The following IRAK1BP1 variants were observed in gnomAD, a reference collection of about 807,000 sequenced individuals.
The protein encoded by IRAK1BP1 is interleukin-1 receptor-associated kinase 1-binding protein 1.
In IRAK1BP1, 24 loss-of-function variants were observed where a neutral mutation model predicts 28.0. The ratio of observed to expected loss-of-function variants is 0.86; its 90% CI spans 0.62 to 1.20. The LOEUF is 1.20. Among genes scored for constraint, IRAK1BP1 ranks in the 50% most tolerant of loss-of-function variants. The pLI, the probability that IRAK1BP1 is intolerant of heterozygous loss-of-function variation, is 0.00. For missense variants in IRAK1BP1, 336 were observed against 316.7 expected (o/e 1.06, Z -0.46); for synonymous variants, 131 against 116.3 (o/e 1.13, Z -0.81).
chr6:78,936,711 A>G (rs1773283304), intron 4 of IRAK1BP1: 1 of 151,876 alleles, frequency 6.6e-6, no homozygotes, highest in South Asian at 2.1e-4. Context: ...CAGTGTGTAC[A>G]AGGTTTATCT....
intron 1 of IRAK1BP1, among the ~76,000 whole-genome samples, chr6:78,875,926 T>C (rs1357776215): frequency 6.6e-6 from 1 of 152,190 alleles, no homozygotes; most frequent in Non-Finnish European, 1.5e-5. Flanking sequence ...TTTAAAAGAC[T>C]GTTTAAAGTT....
Position 78,901,924 on chromosome 6 carries a change from C to T in IRAK1BP1, c.*3590C>T, listed in dbSNP as rs961074303. The T allele has an allele frequency of 6.6e-6, 1 of 152,056 alleles. No homozygotes were observed. The highest frequency in any genetic ancestry group is 2.4e-5 in the African/African-American group (1 of 41,394). 9.4% of individuals were successfully genotyped at this position (152,056 alleles called of 1,614,324 possible). A position where few individuals can be genotyped will look rare whatever the true frequency, so the allele number is the denominator to read the frequency against. On this transcript the variant is annotated 3_prime_UTR_variant, in exon 4 of 4. Transcript: ENST00000369940. ...TGGGCTAAGGATATCTCAACTCTGT[C>T]AGATTTGTTGATAAGAATTTAATAG...
intron 2 of IRAK1BP1, among the ~76,000 whole-genome samples, chr6:78,897,403 A>G (rs1176029841): frequency 6.6e-5 from 10 of 152,160 alleles, no homozygotes; most frequent in Non-Finnish European, 2.9e-5. Context: ...TTCCACATAT[A>G]GATCTGAACA....
At chr6:78,945,859 T>A (rs1773783694) in exon 5 of IRAK1BP1, 1 of 675,140 alleles carries the variant, frequency 1.5e-6, no homozygotes, top group Non-Finnish European at 2.5e-6. Flanking sequence ...AAACTTTTTT[T>A]TAAAATAGGA....
At chr6:78,887,372 A>G (rs1290995041) in intron 2 of IRAK1BP1, among the ~76,000 whole-genome samples, 1 of 152,146 alleles carries the variant, frequency 6.6e-6, no homozygotes, top group African/African-American at 2.4e-5. Flanking sequence ...ATTATCAAAA[A>G]AGCAGAAGAT....
chr6:78,962,864 G>A, the IRAK1BP1 span, among the ~76,000 whole-genome samples: 1 of 152,010 alleles, frequency 6.6e-6, no homozygotes, highest in Non-Finnish European at 1.5e-5. Flanking sequence ...GATGCCTCTG[G>A]CACTTCTAGG....
At chr6:78,913,367 C>T (rs1308891373) in intron 4 of IRAK1BP1, among the ~76,000 whole-genome samples, 2 of 151,878 alleles carry the variant, frequency 1.3e-5, no homozygotes, top group Admixed American at 1.3e-4. Context: ...TTACTGGGGC[C>T]GGGCGCAGTG....
intron 2 of IRAK1BP1, among the ~76,000 whole-genome samples, chr6:78,895,226 A>G (rs1408092400): frequency 1.3e-5 from 2 of 152,230 alleles, no homozygotes; most frequent in Non-Finnish European, 2.9e-5. Flanking sequence ...GCTGAATTTT[A>G]AAACATACTT....
At chr6:78,941,292 G>C in intron 4 of IRAK1BP1, 1 of 1,613,260 alleles carries the variant, frequency 6.2e-7, no homozygotes, top group Non-Finnish European at 8.5e-7. Flanking sequence ...CCATTTACTT[G>C]AATGGTTCCT....
chr6:78,972,554 A>G, the IRAK1BP1 span, among the ~76,000 whole-genome samples: 1 of 152,218 alleles, frequency 6.6e-6, no homozygotes, highest in Non-Finnish European at 1.5e-5. Flanking sequence ...CTGAGAGAAG[A>G]AGGCTTCAGA....
chr6:78,879,764 A>G (rs182201624), intron 1 of IRAK1BP1, among the ~76,000 whole-genome samples: 12 of 152,302 alleles, frequency 7.9e-5, no homozygotes, highest in African/African-American at 2.6e-4. Flanking sequence ...TCAGTCCCCC[A>G]TGGCCAGCAA....
At chr6:78,906,982 G>A (rs746638071), downstream of IRAK1BP1, among the ~76,000 whole-genome samples, 3 of 152,086 alleles carry the variant, frequency 2.0e-5, no homozygotes, top group Non-Finnish European at 4.4e-5. Flanking sequence ...AATATTCTTC[G>A]AAGACTGAGC....
intron 1 of IRAK1BP1, among the ~76,000 whole-genome samples, chr6:78,883,874 A>T (rs1418555578): frequency 6.6e-6 from 1 of 152,156 alleles, no homozygotes; most frequent in Non-Finnish European, 1.5e-5. Flanking sequence ...TGTATGTGCT[A>T]CCTACCCATT....
At chr6:78,946,318 A>T in exon 5 of IRAK1BP1, 2 of 1,494,594 alleles carry the variant, frequency 1.3e-6, no homozygotes, top group Non-Finnish European at 1.8e-6. Context: ...CGAATAAAAC[A>T]GTTTATAATA....
At chr6:78,922,834 G>C (rs1443777772) in intron 4 of IRAK1BP1, among the ~76,000 whole-genome samples, 1 of 152,134 alleles carries the variant, frequency 6.6e-6, no homozygotes, top group African/African-American at 2.4e-5. Context: ...AGCTTCAGAA[G>C]TGAAGGAGAA....
At chr6:78,889,132 AAAG>A (rs1425245046) in intron 2 of IRAK1BP1, among the ~76,000 whole-genome samples, 10 of 137,500 alleles carry the variant, frequency 7.3e-5, no homozygotes, top group East Asian at 2.3e-4. Context: ...AAAAAAAAAA[AAAG>A]AAAGAAAGAA....
chr6:78,904,136 C>T (rs900963421), downstream of IRAK1BP1, among the ~76,000 whole-genome samples: 3 of 152,196 alleles, frequency 2.0e-5, no homozygotes, highest in Non-Finnish European at 4.4e-5. Flanking sequence ...AAATGCAGGA[C>T]ACATATTCAA....
intron 4 of IRAK1BP1, among the ~76,000 whole-genome samples, chr6:78,912,797 A>G (rs186524371): frequency 9.8e-5 from 15 of 152,370 alleles, no homozygotes; most frequent in Admixed American, 7.8e-4. Context: ...TCGTATGAAG[A>G]GACAAAGAAT....
the IRAK1BP1 span, among the ~76,000 whole-genome samples, chr6:78,969,535 G>A: frequency 6.6e-6 from 1 of 151,828 alleles, no homozygotes; most frequent in Admixed American, 6.6e-5. Context: ...AGCTTCTTTT[G>A]GCTTCAAATT....
Sources: allele counts gnomAD v4.1 joint callset (sites outside exome capture counted in the v4.1 genomes callset), GRCh38; gene constraint gnomAD v4.1.1; transcripts MANE v1.5; gene names NCBI Gene and HGNC (gene_info 2026-07-23, HGNC 2026-07-21).